DNAJC1: variants seen among roughly 807,000 people sequenced by gnomAD.
DNAJC1 encodes the protein dnaJ homolog subfamily C member 1.
A neutral mutation model predicts 76.6 loss-of-function variants in DNAJC1; 58 were observed. The ratio of observed to expected loss-of-function variants is 0.76; its 90% CI spans 0.61 to 0.94. DNAJC1 has a LOEUF of 0.94. Among genes scored for constraint, DNAJC1 ranks in the 40% least tolerant of loss-of-function variants. The pLI, the probability that DNAJC1 is intolerant of heterozygous loss-of-function variation, is 0.00. For missense variants in DNAJC1, 689 were observed against 677.3 expected (o/e 1.02, Z -0.19); for synonymous variants, 258 against 267.9 (o/e 0.96, Z 0.36).
chr10:21,800,525 C>T (rs758910605), intron 9 of DNAJC1, among the ~76,000 whole-genome samples: 3 of 152,060 alleles, frequency 2.0e-5, no homozygotes, highest in African/African-American at 7.2e-5. Context: ...AAAAAGGAAG[C>T]AATTTAAATG....
intron 8 of DNAJC1, among the ~76,000 whole-genome samples, chr10:21,851,482 A>G (rs957458916): frequency 6.6e-6 from 1 of 152,212 alleles, no homozygotes; most frequent in Admixed American, 6.5e-5. Context: ...AAAGTGAAAA[A>G]TAACAAGTGA....
chr10:21,962,712 C>A (rs1273283174), intron 1 of DNAJC1, among the ~76,000 whole-genome samples: 1 of 149,620 alleles, frequency 6.7e-6, no homozygotes, highest in South Asian at 2.1e-4. Flanking sequence ...TTGAACTCCA[C>A]CATGCCTGGC....
intron 1 of DNAJC1, among the ~76,000 whole-genome samples, chr10:21,977,823 T>C (rs1838090385): frequency 6.6e-6 from 1 of 152,130 alleles, no homozygotes. Flanking sequence ...GTGTTTTCTC[T>C]CTTTTGGAAA....
chr10:21,881,750 A>G (rs1836282091), intron 8 of DNAJC1, among the ~76,000 whole-genome samples: 1 of 151,642 alleles, frequency 6.6e-6, no homozygotes, highest in South Asian at 2.1e-4. Context: ...GAATTACCAA[A>G]ATGTTATATA....
chr10:21,966,800 C>T (rs1398128497), intron 1 of DNAJC1, among the ~76,000 whole-genome samples: 1 of 151,614 alleles, frequency 6.6e-6, no homozygotes, highest in Non-Finnish European at 1.5e-5. Context: ...ATTCTCCTGC[C>T]TCAGCCTCCC....
At chr10:21,874,912 G>T (rs1409223170) in intron 8 of DNAJC1, among the ~76,000 whole-genome samples, 1 of 151,880 alleles carries the variant, frequency 6.6e-6, no homozygotes. Flanking sequence ...ATGGAGTCTT[G>T]CTCTGTCACC....
At chr10:21,998,389 CAA>C (rs60371730) in intron 1 of DNAJC1, among the ~76,000 whole-genome samples, 20 of 95,812 alleles carry the variant, frequency 2.1e-4, no homozygotes, top group East Asian at 2.9e-4. Flanking sequence ...GACTCCATCT[CAA>C]AAAAAAAAAA....
At chr10:21,899,987 T>G (rs1337250877) in intron 7 of DNAJC1, among the ~76,000 whole-genome samples, 1 of 152,176 alleles carries the variant, frequency 6.6e-6, no homozygotes, top group African/African-American at 2.4e-5. Context: ...GACATTACTG[T>G]GTAACATGGT....
intron 9 of DNAJC1, among the ~76,000 whole-genome samples, chr10:21,768,883 C>T (rs1370567299): frequency 6.6e-6 from 1 of 152,170 alleles, no homozygotes; most frequent in Admixed American, 6.5e-5. Context: ...AACTATGCTC[C>T]ATCAATTACT....
chr10:21,794,118 A>T (rs1465734335), intron 9 of DNAJC1, among the ~76,000 whole-genome samples: 1 of 152,052 alleles, frequency 6.6e-6, no homozygotes, highest in Non-Finnish European at 1.5e-5. Flanking sequence ...TCACACAAAA[A>T]AACTAGTTGG....
intron 6 of DNAJC1, among the ~76,000 whole-genome samples, chr10:21,918,375 G>GTT (rs11440840): frequency 0.039 from 5,394 of 138,962 alleles, 130 homozygotes; most frequent in South Asian, 0.058. Flanking sequence ...TTCATGTAAA[G>GTT]TTTTTTTTTT....
At chr10:21,942,783 G>A (rs1837437409) in intron 1 of DNAJC1, among the ~76,000 whole-genome samples, 2 of 145,704 alleles carry the variant, frequency 1.4e-5, no homozygotes, top group Admixed American at 1.4e-4. Flanking sequence ...TCCAGCCTGG[G>A]CGACAGAGCG....
chr10:21,843,749 T>A (rs1835610492), intron 8 of DNAJC1, among the ~76,000 whole-genome samples: 2 of 151,922 alleles, frequency 1.3e-5, no homozygotes, highest in Admixed American at 1.3e-4. Context: ...AATCTTTTTT[T>A]TTTTTTTTAA....
intron 6 of DNAJC1, among the ~76,000 whole-genome samples, chr10:21,908,108 TAAAATATATATATAATATATAATATATA>T (rs1564823882): frequency 1.5e-4 from 16 of 109,372 alleles, no homozygotes; most frequent in African/African-American, 5.6e-4. Flanking sequence ...ATATAATATA[TAAAATATATATATAATATATAATATATA>T]AAAATATATA....
chr10:21,813,116 T>TAC (rs1564794672), intron 8 of DNAJC1, among the ~76,000 whole-genome samples: 1 of 141,828 alleles, frequency 7.1e-6, no homozygotes, highest in African/African-American at 2.7e-5. Context: ...TATATATATA[T>TAC]ACAGCTTCTG....
At chr10:21,947,913 C>T (rs1837531725) in intron 1 of DNAJC1, among the ~76,000 whole-genome samples, 1 of 152,014 alleles carries the variant, frequency 6.6e-6, no homozygotes, top group African/African-American at 2.4e-5. Flanking sequence ...TGACTTTTGA[C>T]CAAAATTGTA....
intron 1 of DNAJC1, among the ~76,000 whole-genome samples, chr10:21,961,561 A>T (rs1837791595): frequency 6.6e-6 from 1 of 152,164 alleles, no homozygotes; most frequent in African/African-American, 2.4e-5. Context: ...GGAGGTTACC[A>T]GGGGTTGGTG....
rs575383507 is a variant in DNAJC1, at chr10:21,760,608, G to A, written c.1148-990C>T. ...AGCCCAGAGCTGTCCAATGAAACAT[G>A]CTGTGATACAATTATATAAACCACT... On this transcript the variant is annotated intron_variant, in intron 10 of 11. Transcript: ENST00000376980. Among the ~76,000 whole-genome samples, 4 of 152,368 alleles carry A rather than the reference G, an allele frequency of 2.6e-5. No homozygotes were observed. The South Asian group carries it at 8.3e-4, about 32-fold the overall frequency.
At chr10:21,811,430 T>C (rs1175397532) in intron 8 of DNAJC1, among the ~76,000 whole-genome samples, 1 of 152,170 alleles carries the variant, frequency 6.6e-6, no homozygotes, top group African/African-American at 2.4e-5. Context: ...CTGTCCAAAT[T>C]GCAAAACAAC....
Sources: allele counts gnomAD v4.1 joint callset (sites outside exome capture counted in the v4.1 genomes callset), GRCh38; gene constraint gnomAD v4.1.1; transcripts MANE v1.5; gene names NCBI Gene and HGNC (gene_info 2026-07-23, HGNC 2026-07-21).